Variants in ERBB4 observed in about 807,000 individuals in gnomAD.
The protein encoded by ERBB4 is erb-b2 receptor tyrosine kinase 4.
Under a neutral mutation model 158.0 loss-of-function variants are expected in ERBB4, and 42 were observed. That is an observed-to-expected ratio of 0.27 (90% confidence interval 0.21 to 0.34). The LOEUF is 0.34. Ranked by LOEUF, ERBB4 falls within the 10% of genes least tolerant of loss-of-function variation. ERBB4 has a pLI of 1.00. For missense variants in ERBB4, 1,333 were observed against 1,624.1 expected (o/e 0.82, Z 3.08); for synonymous variants, 583 against 558.7 (o/e 1.04, Z -0.61).
At chr2:212,320,255 A>T (rs1289824585) in intron 1 of ERBB4, among the ~76,000 whole-genome samples, 2 of 148,866 alleles carry the variant, frequency 1.3e-5, no homozygotes, top group South Asian at 4.4e-4. Context: ...GGCTGCCAGC[A>T]TATAGCCTAC....
At chr2:211,432,050 C>G (rs1039452188) in intron 20 of ERBB4, among the ~76,000 whole-genome samples, 14 of 151,658 alleles carry the variant, frequency 9.2e-5, no homozygotes, top group African/African-American at 3.4e-4. Flanking sequence ...AACCTGAGGC[C>G]GAGATTAGAG....
At chr2:211,790,514 T>C (rs2076256260) in intron 3 of ERBB4, among the ~76,000 whole-genome samples, 1 of 152,080 alleles carries the variant, frequency 6.6e-6, no homozygotes, top group South Asian at 2.1e-4. Flanking sequence ...TCTTCAACAG[T>C]ATTAATCTGC....
At chr2:212,078,432 T>C (rs1341323034) in intron 2 of ERBB4, among the ~76,000 whole-genome samples, 1 of 151,974 alleles carries the variant, frequency 6.6e-6, no homozygotes, top group Non-Finnish European at 1.5e-5. Flanking sequence ...AATATCCTAT[T>C]ATTGAACAAA....
At chr2:212,135,057 G>T (rs1194204609) in intron 1 of ERBB4, among the ~76,000 whole-genome samples, 1 of 152,086 alleles carries the variant, frequency 6.6e-6, no homozygotes, top group Non-Finnish European at 1.5e-5. Context: ...TTTACTAATA[G>T]ATTTGTACCT....
At chr2:212,282,266 A>C (rs955144728) in intron 1 of ERBB4, among the ~76,000 whole-genome samples, 8 of 151,932 alleles carry the variant, frequency 5.3e-5, no homozygotes, top group Admixed American at 2.6e-4. Context: ...AAAATTCAGA[A>C]AGCTAAAATA....
intron 18 of ERBB4, among the ~76,000 whole-genome samples, chr2:211,621,630 T>C (rs953305979): frequency 6.6e-6 from 1 of 152,164 alleles, no homozygotes; most frequent in Non-Finnish European, 1.5e-5. Context: ...AGTTATAGGG[T>C]ATCCAAGGTT....
intron 25 of ERBB4, among the ~76,000 whole-genome samples, chr2:211,403,702 C>T (rs1394909748): frequency 2.0e-5 from 3 of 152,174 alleles, no homozygotes; most frequent in Admixed American, 6.6e-5. Context: ...ATCCCTTTCT[C>T]TGACCACAAT....
chr2:212,060,234 G>A (rs1383927300), intron 2 of ERBB4, among the ~76,000 whole-genome samples: 1 of 152,112 alleles, frequency 6.6e-6, no homozygotes, highest in Non-Finnish European at 1.5e-5. Flanking sequence ...GGCCATCAGA[G>A]AAATGCAAAT....
At chr2:211,790,295 G>C (rs896052727) in intron 3 of ERBB4, among the ~76,000 whole-genome samples, 3 of 151,714 alleles carry the variant, frequency 2.0e-5, no homozygotes, top group Admixed American at 2.0e-4. Flanking sequence ...TTATTTTTCA[G>C]TCTACATTTA....
At chr2:211,593,443 C>G (rs749617741) in intron 19 of ERBB4, among the ~76,000 whole-genome samples, 3 of 152,302 alleles carry the variant, frequency 2.0e-5, no homozygotes, top group Non-Finnish European at 4.4e-5. Flanking sequence ...TCACTGTGCC[C>G]TAACCCTATC....
chr2:211,696,057 CCCT>C lies in ERBB4; in HGVS notation c.1489+5907_1489+5909del, dbSNP rs1477335101. 7.8e-3 allele frequency among the ~76,000 whole-genome samples: 885 copies of C among 112,818 alleles called. 9 individuals are homozygous for C. The highest frequency in any genetic ancestry group is 0.028 in the African/African-American group (827 of 29,678). The allele number at this position is 112,818 out of a possible 152,430, so 74.0% of individuals were successfully genotyped here. On this transcript the variant is annotated intron_variant, in intron 12 of 27. Transcript: ENST00000342788. ...CTTCCCTCCTTCCCCTTCCCCCCCTCCCTCCCTCCCTCCTTCCTTCCTTCCTTT... is the reference window on the plus strand; with the variant it reads ...CTTCCCTCCTTCCCCTTCCCCCCCTCCCCTCCCTCCTTCCTTCCTTCCTTT...
At chr2:211,878,658 T>TTTG (rs1553653645) in intron 3 of ERBB4, among the ~76,000 whole-genome samples, 1 of 21,862 alleles carries the variant, frequency 4.6e-5, no homozygotes, top group African/African-American at 1.1e-4. Context: ...TTAAGTTTTG[T>TTTG]TTTTTTTTTT....
At chr2:212,380,111 C>T (rs1382860125) in intron 1 of ERBB4, among the ~76,000 whole-genome samples, 2 of 151,142 alleles carry the variant, frequency 1.3e-5, no homozygotes, top group Non-Finnish European at 3.0e-5. Context: ...CATGATTATA[C>T]ACACACACAA....
Position 212,349,231 on chromosome 2 carries a change from C to G in ERBB4, c.82+189218G>C, listed in dbSNP as rs73074243. On this transcript the variant is annotated intron_variant, in intron 1 of 27. Transcript: ENST00000342788. ...GTTAATCACTAGTCACATGTGGTAT[C>G]TAAATTCAAATTTAAGTTAAATAAA... Among the ~76,000 whole-genome samples, 1,397 of 150,742 alleles carry G rather than the reference C, an allele frequency of 9.3e-3. 11 individuals are homozygous for G. The highest frequency in any genetic ancestry group is 0.031 in the African/African-American group (1,279 of 41,132).
At chr2:212,473,890 A>C (rs1474322171) in intron 1 of ERBB4, among the ~76,000 whole-genome samples, 4 of 152,148 alleles carry the variant, frequency 2.6e-5, no homozygotes, top group Non-Finnish European at 5.9e-5. Context: ...TTTCATGACA[A>C]CATGAAATTT....
At chr2:211,557,354 GCAAACTATGCATTCAA>G (rs1374081194) in intron 20 of ERBB4, among the ~76,000 whole-genome samples, 1 of 152,094 alleles carries the variant, frequency 6.6e-6, no homozygotes, top group African/African-American at 2.4e-5. Context: ...GAAAATTTTT[GCAAACTATGCATTCAA>G]CAAAGATCTA....
At chr2:211,734,044 A>C (rs1575068682) in intron 5 of ERBB4, among the ~76,000 whole-genome samples, 1 of 152,158 alleles carries the variant, frequency 6.6e-6, no homozygotes, top group Non-Finnish European at 1.5e-5. Flanking sequence ...ATATTTAAAA[A>C]ATTTTGAAAA....
At chr2:212,133,043 A>T (rs975349449) in intron 1 of ERBB4, among the ~76,000 whole-genome samples, 1 of 152,090 alleles carries the variant, frequency 6.6e-6, no homozygotes, top group Non-Finnish European at 1.5e-5. Context: ...CTTGGGAGAG[A>T]AGGTAAAGTC....
intron 12 of ERBB4, among the ~76,000 whole-genome samples, chr2:211,694,236 C>T (rs973347782): frequency 2.0e-5 from 3 of 152,128 alleles, no homozygotes; most frequent in Non-Finnish European, 4.4e-5. Context: ...CTCTGGAGAA[C>T]TGGAGCCTAG....
Sources: gnomAD v4.1 joint callset for allele counts (sites outside exome capture counted in the v4.1 genomes callset) on GRCh38, gnomAD v4.1.1 for gene constraint, MANE v1.5 for transcripts, NCBI Gene and HGNC (gene_info 2026-07-23, HGNC 2026-07-21) for gene names.